COG6: variants seen among roughly 807,000 people sequenced by gnomAD.
The protein encoded by COG6 is component of oligomeric golgi complex 6.
A neutral mutation model predicts 88.8 loss-of-function variants in COG6; 74 were observed. The observed-to-expected ratio is 0.83, with a 90% CI of 0.69 to 1.01. The LOEUF (loss-of-function observed/expected upper bound fraction) is 1.01. COG6 is among the 50% of genes least tolerant of loss of function. The pLI, the probability that COG6 is intolerant of heterozygous loss-of-function variation, is 0.00. For missense variants in COG6, 800 were observed against 797.9 expected (o/e 1.00, Z -0.03); for synonymous variants, 286 against 278.7 (o/e 1.03, Z -0.26).
chr13:39,791,131 A>G (rs1881926109), exon 19 of COG6: 1 of 152,110 alleles, frequency 6.6e-6, no homozygotes, highest in South Asian at 2.1e-4. Context: ...AGAAGCTGGT[A>G]TACTTACATA....
rs1399105227 is a variant in COG6, at chr13:39,655,719, G to A, written c.-8G>A. 16 of 1,587,532 alleles carry A rather than the reference G, an allele frequency of 1.0e-5. No individual in the cohort carries two copies. The highest frequency in any genetic ancestry group is 1.4e-5 in the Non-Finnish European group (16 of 1,166,200). Reference sequence around the variant, plus strand: ...GAGGTGGCAGCAGGGGGCGGGACGCGCAGCGCTATGGCAGAGGGCAGCGGG... The same window carrying A: ...GAGGTGGCAGCAGGGGGCGGGACGCACAGCGCTATGGCAGAGGGCAGCGGG... On this transcript the variant is annotated 5_prime_UTR_variant, in exon 1 of 19. Transcript: ENST00000455146.
chr13:39,752,595 T>C lies in COG6; in HGVS notation c.*1502T>C. 1 of 1,267,716 alleles carries C rather than the reference T, an allele frequency of 7.9e-7. No homozygotes were observed. Among genetic ancestry groups the C allele is most frequent in the South Asian group, 1.3e-5 (1 of 77,698 alleles). The allele number at this position is 1,267,716 out of a possible 1,614,324, so 78.5% of individuals were successfully genotyped here. ...TATAGGGAAAATTTATTGTGCTTTT[T>C]ACCTGGTTTTTTCAAATAAAATATT... On this transcript the variant is annotated 3_prime_UTR_variant, in exon 19 of 19. Coordinates refer to ENST00000455146, the MANE Select transcript of COG6 (RefSeq NM_020751.3).
Position 39,719,822 on chromosome 13 carries a change from T to C in COG6, c.1579T>C (p.Phe527Leu). ...TGACAGACGTCTGGAAATGCTACAG[T>C]TTCAGGTAAATTTTTCTATAAAATG... ...FTDRRLEMLQ[F>L]QIEAHLDTLI... The change falls in exon 15 of 19, where the codon TTT becomes CTT. Residue 527 changes from phenylalanine (F) to leucine (L), a missense_variant. Coordinates refer to ENST00000455146, the MANE Select transcript of COG6 (RefSeq NM_020751.3). 6.2e-7 allele frequency: 1 copy of C among 1,609,540 alleles called. No homozygotes were observed. The highest frequency in any genetic ancestry group is 8.5e-7 in the Non-Finnish European group (1 of 1,176,828).
chr13:39,770,784 A>T (rs1391127683), intron 18 of COG6, among the ~76,000 whole-genome samples: 1 of 152,208 alleles, frequency 6.6e-6, no homozygotes, highest in Non-Finnish European at 1.5e-5. Flanking sequence ...GAAATGAAAA[A>T]GGCCTAAGAT....
Position 39,684,990 on chromosome 13 carries a change from TAA to T in COG6, c.789-2512_789-2511del, listed in dbSNP as rs539558340. 2.1e-3 allele frequency among the ~76,000 whole-genome samples: 327 copies of T among 152,320 alleles called. 3 individuals are homozygous for T. Among genetic ancestry groups the T allele is most frequent in the African/African-American group, 7.1e-3 (295 of 41,586 alleles). On this transcript the variant is annotated intron_variant, in intron 8 of 18. Coordinates refer to ENST00000455146, the MANE Select transcript of COG6 (RefSeq NM_020751.3). The stretch of plus-strand genomic sequence containing the variant: ...TTTTCTTTGGTAAGCCTTTAGAATA[TAA>T]GTTATTTTAAAATGTAGTAATACAT...
chr13:39,775,936 A>G (rs571615039), intron 18 of COG6, among the ~76,000 whole-genome samples: 103 of 152,048 alleles, frequency 6.8e-4, no homozygotes, highest in Admixed American at 2.9e-3. Context: ...CGCCTGGCTA[A>G]TTTCATATTT....
intron 4 of COG6, among the ~76,000 whole-genome samples, 161 bp downstream of exon 4, chr13:39,665,315 C>G (rs1476889694): frequency 6.6e-6 from 1 of 152,106 alleles, no homozygotes; most frequent in Non-Finnish European, 1.5e-5. Flanking sequence ...AGCATAAAGA[C>G]AGTAGTTTAG....
intron 14 of COG6, 137 bp from the exon 15 acceptor site, chr13:39,719,523 A>T: frequency 8.5e-7 from 1 of 1,173,786 alleles, no homozygotes; most frequent in Non-Finnish European, 1.2e-6. Flanking sequence ...CTTAAAAAGC[A>T]TTGATTTATG....
downstream of COG6, among the ~76,000 whole-genome samples, chr13:39,753,703 T>C (rs1439486185): frequency 6.6e-6 from 1 of 152,310 alleles, no homozygotes; most frequent in South Asian, 2.1e-4. Flanking sequence ...ATCTTCTTAT[T>C]AGATCCTTCT....
At chr13:39,752,715 C>A, downstream of COG6, 1 of 1,110,172 alleles carries the variant, frequency 9.0e-7, no homozygotes, top group South Asian at 2.1e-5. Flanking sequence ...AAAGGAAATA[C>A]AACATAGGGC....
Position 39,751,314 on chromosome 13 carries a change from G to A in COG6, c.*221G>A, listed in dbSNP as rs1304159984. ...GCTGTGTATCTACTCTAAATGAGAT[G>A]ATCTATTTTTTTGCTAGCCATCTCT... is the stretch of plus-strand genomic sequence containing the variant. On this transcript the variant is annotated 3_prime_UTR_variant, in exon 19 of 19. Coordinates refer to ENST00000455146, the MANE Select transcript of COG6 (RefSeq NM_020751.3). The A allele has an allele frequency of 2.0e-6, 3 of 1,485,812 alleles. No homozygotes were observed. The African/African-American group carries it at 4.2e-5, about 21-fold the overall frequency. 92.0% of individuals were successfully genotyped at this position (1,485,812 alleles called of 1,614,324 possible).
exon 19 of COG6, chr13:39,789,116 C>A (rs1418199438): frequency 6.6e-6 from 1 of 152,198 alleles, no homozygotes; most frequent in Non-Finnish European, 1.5e-5. Flanking sequence ...CTTTAAAGAT[C>A]ATCTGTGCAT....
At chr13:39,732,321 A>G (rs1879499806) in intron 18 of COG6, among the ~76,000 whole-genome samples, 1 of 152,224 alleles carries the variant, frequency 6.6e-6, no homozygotes, top group African/African-American at 2.4e-5. Context: ...CAAAACATAC[A>G]TACTTAAAGA....
intron 18 of COG6, among the ~76,000 whole-genome samples, chr13:39,778,276 G>A (rs1881523922): frequency 6.6e-6 from 1 of 152,312 alleles, no homozygotes; most frequent in Admixed American, 6.5e-5. Context: ...AGGCTTCTCT[G>A]AAGTAATGTG....
intron 4 of COG6, among the ~76,000 whole-genome samples, chr13:39,672,885 G>A (rs1875736113): frequency 6.6e-6 from 1 of 151,974 alleles, no homozygotes; most frequent in Non-Finnish European, 1.5e-5. Context: ...TCCAGTTTCT[G>A]TACATCTTTG....
At chr13:39,695,653 A>AGAGTAGCC (rs1295764170) in intron 12 of COG6, among the ~76,000 whole-genome samples, 2 of 151,856 alleles carry the variant, frequency 1.3e-5, no homozygotes, top group Non-Finnish European at 2.9e-5. Context: ...TTAGTGACAG[A>AGAGTAGCC]GAGTAGCCAC....
Position 39,751,464 on chromosome 13 carries a change from A to G in COG6, c.*371A>G, listed in dbSNP as rs1416072099. On this transcript the variant is annotated 3_prime_UTR_variant, in exon 19 of 19. Coordinates refer to ENST00000455146, the MANE Select transcript of COG6 (RefSeq NM_020751.3). ...AAAAATTTGTCTAAATTTAATAATT[A>G]GTATAAGGATATGACCTAATAAATG... is the stretch of plus-strand genomic sequence containing the variant. The G allele has an allele frequency of 2.4e-6, 3 of 1,251,582 alleles. No individual in the cohort carries two copies. The highest frequency in any genetic ancestry group is 3.1e-5 in the African/African-American group (2 of 65,058). The allele number at this position is 1,251,582 out of a possible 1,614,324, so 77.5% of individuals were successfully genotyped here.
At chr13:39,785,975 A>G (rs1881761648) in intron 18 of COG6, among the ~76,000 whole-genome samples, 1 of 152,180 alleles carries the variant, frequency 6.6e-6, no homozygotes, top group Non-Finnish European at 1.5e-5. Flanking sequence ...TGTGATGTAC[A>G]GAGAGTAGGA....
intron 11 of COG6, among the ~76,000 whole-genome samples, chr13:39,692,034 C>T (rs1264943308): frequency 6.6e-6 from 1 of 151,856 alleles, no homozygotes; most frequent in Admixed American, 6.6e-5. Flanking sequence ...TTGATTTATT[C>T]TACCTTGTTT....
Sources: gnomAD v4.1 joint callset for allele counts (sites outside exome capture counted in the v4.1 genomes callset) on GRCh38, gnomAD v4.1.1 for gene constraint, MANE v1.5 for transcripts, NCBI Gene and HGNC (gene_info 2026-07-23, HGNC 2026-07-21) for gene names.